Variants in TLK1 observed in about 807,000 individuals in gnomAD.
TLK1 encodes the protein serine/threonine-protein kinase tousled-like 1.
Under a neutral mutation model 105.3 loss-of-function variants are expected in TLK1, and 24 were observed. That is an observed-to-expected ratio of 0.23 (90% confidence interval 0.17 to 0.32). The LOEUF (loss-of-function observed/expected upper bound fraction) is 0.32, where lower values mean the gene tolerates loss of function less well. TLK1 is among the 10% of genes least tolerant of loss of function. The probability of loss-of-function intolerance (pLI) is 1.00; values close to 1 mark genes in which losing one functional copy is unlikely to be tolerated. For synonymous variants in TLK1, 321 were observed against 310.4 expected (o/e 1.03, Z -0.36); for missense variants, 558 against 910.5 (o/e 0.61, Z 4.98).
chr2:171,079,093 C>A (rs1206514705), intron 3 of TLK1, among the ~76,000 whole-genome samples: 1 of 152,190 alleles, frequency 6.6e-6, no homozygotes, highest in African/African-American at 2.4e-5. Context: ...TAAAGCTTTT[C>A]CGGAGATCTA....
At chr2:171,069,217 T>C (rs1688144486) in intron 3 of TLK1, among the ~76,000 whole-genome samples, 1 of 152,228 alleles carries the variant, frequency 6.6e-6, no homozygotes, top group African/African-American at 2.4e-5. Flanking sequence ...GGAAAGATTA[T>C]AATAGCACAG....
At chr2:171,049,130 T>C (rs1687106122) in intron 10 of TLK1, among the ~76,000 whole-genome samples, 1 of 152,016 alleles carries the variant, frequency 6.6e-6, no homozygotes, top group Non-Finnish European at 1.5e-5. Context: ...GCTACAAAGA[T>C]GAAGGAGGCA....
chr2:171,069,208 G>C (rs1375676845), intron 3 of TLK1, among the ~76,000 whole-genome samples: 2 of 152,120 alleles, frequency 1.3e-5, no homozygotes, highest in African/African-American at 4.8e-5. Context: ...TAGTTATATG[G>C]AAAGATTATA....
chr2:171,164,682 G>GA (rs1692575031), upstream of TLK1, among the ~76,000 whole-genome samples: 1 of 152,188 alleles, frequency 6.6e-6, no homozygotes, highest in Admixed American at 6.5e-5. Context: ...GAAGCATAAA[G>GA]AAGGCCTCTG....
chr2:171,055,021 T>C (rs1055161063), intron 7 of TLK1, 62 bp downstream of exon 7: 4 of 917,438 alleles, frequency 4.4e-6, no homozygotes, highest in Non-Finnish European at 6.3e-6. Context: ...ATCTTAGTTG[T>C]TAGTAAGTTA....
intron 1 of TLK1, among the ~76,000 whole-genome samples, chr2:171,225,284 A>G (rs1693878118): frequency 6.6e-6 from 1 of 152,200 alleles, no homozygotes; most frequent in Non-Finnish European, 1.5e-5. Flanking sequence ...TTACAATTCA[A>G]CAATGTAAAG....
intron 1 of TLK1, among the ~76,000 whole-genome samples, chr2:171,207,119 C>T (rs2105323313): frequency 6.6e-6 from 1 of 152,308 alleles, no homozygotes; most frequent in Middle Eastern, 3.4e-3. Flanking sequence ...AAACTTTATT[C>T]ATAATTGCCC....
chr2:171,015,673 CATGTCATTCATTCATACACACACACAT>C (rs1685148973), intron 12 of TLK1, among the ~76,000 whole-genome samples: 1 of 133,242 alleles, frequency 7.5e-6, no homozygotes, highest in Non-Finnish European at 1.6e-5. Context: ...TCATGTCATT[CATGTCATTCATTCATACACACACACAT>C]ATACACACAC....
At position 171,059,719 on chromosome 2, in the gene TLK1, T is replaced by G. The variant is rs56257149; in HGVS notation, c.406+1362A>C. 3.0e-3 allele frequency among the ~76,000 whole-genome samples: 462 copies of G among 152,278 alleles called. 2 individuals are homozygous for G. The highest frequency in any genetic ancestry group is 0.011 in the African/African-American group (444 of 41,560). ...TGTGGAAGACAATTTATCCACAGACTGCGGGGAGTAGGGGAGATGGTTTTG... is the reference window on the plus strand; with the variant it reads ...TGTGGAAGACAATTTATCCACAGACGGCGGGGAGTAGGGGAGATGGTTTTG... On this transcript the variant is annotated intron_variant, in intron 4 of 20. Transcript: ENST00000431350.
chr2:171,160,527 G>C lies in TLK1; in HGVS notation c.-99C>G, dbSNP rs1432862985. The stretch of plus-strand genomic sequence containing the variant: ...TCATGGCGGGGGCCGCGCTGAGGGC[G>C]AGCGAGAGAGCGAGGGCTGGGAGGG... On this transcript the variant is annotated 5_prime_UTR_variant, in exon 1 of 21. Coordinates refer to ENST00000431350, the MANE Select transcript of TLK1 (RefSeq NM_012290.5). This position sits in a 1 kb window ranked among gnomAD's most constrained non-coding sequence, Gnocchi z 4.4. The C allele has an allele frequency of 6.4e-7, 1 of 1,551,290 alleles. No homozygotes were observed. Among genetic ancestry groups the C allele is most frequent in the East Asian group, 2.6e-5 (1 of 39,134 alleles).
intron 12 of TLK1, among the ~76,000 whole-genome samples, chr2:171,025,908 T>A (rs955852682): frequency 6.6e-6 from 1 of 152,220 alleles, no homozygotes; most frequent in Non-Finnish European, 1.5e-5. Flanking sequence ...GTTCCCTGTA[T>A]GTACTACTGG....
intron 1 of TLK1, among the ~76,000 whole-genome samples, chr2:171,217,519 T>C (rs1375381771): frequency 6.6e-6 from 1 of 152,070 alleles, no homozygotes; most frequent in East Asian, 1.9e-4. Flanking sequence ...CGCTAATGAA[T>C]GGAGAAGGGT....
chr2:171,175,881 TG>T (rs1179196556), intron 1 of TLK1, among the ~76,000 whole-genome samples: 1 of 152,186 alleles, frequency 6.6e-6, no homozygotes, highest in Non-Finnish European at 1.5e-5. Flanking sequence ...AGGCCCCTTT[TG>T]TATCAGAATC....
chr2:171,057,784 G>A (rs1185854210), intron 5 of TLK1, among the ~76,000 whole-genome samples: 1 of 151,968 alleles, frequency 6.6e-6, no homozygotes, highest in Non-Finnish European at 1.5e-5. Context: ...TATGCCTAGT[G>A]TTCTATTATT....
At chr2:171,024,814 T>A (rs151020669) in intron 12 of TLK1, among the ~76,000 whole-genome samples, 1 of 152,174 alleles carries the variant, frequency 6.6e-6, no homozygotes, top group South Asian at 2.1e-4. Context: ...AATATGTAAT[T>A]CCGTTAAAAT....
chr2:171,006,033 C>A, intron 18 of TLK1, 114 bp downstream of exon 18: 1 of 1,111,826 alleles, frequency 9.0e-7, no homozygotes, highest in Non-Finnish European at 1.2e-6. Context: ...AATATCAGTA[C>A]CTTTACCACA....
chr2:170,994,072 TG>T, intron 20 of TLK1, 116 bp from the exon 21 acceptor site: 1 of 1,182,390 alleles, frequency 8.5e-7, no homozygotes, highest in Non-Finnish European at 1.1e-6. Flanking sequence ...CTCATTTTAT[TG>T]GAAGTTCAAA....
intron 1 of TLK1, among the ~76,000 whole-genome samples, chr2:171,123,383 A>T (rs1197076805): frequency 6.6e-6 from 1 of 150,484 alleles, no homozygotes; most frequent in Non-Finnish European, 1.5e-5. Flanking sequence ...TTTTTTTTTT[A>T]GTAGAAACAG....
chr2:171,050,025 A>C (rs1165798508), intron 9 of TLK1, 39 bp downstream of exon 9: 2 of 1,608,732 alleles, frequency 1.2e-6, no homozygotes, highest in Non-Finnish European at 1.7e-6. Context: ...AAAGGGGCTA[A>C]TGAAGGGAAA....
Sources: allele counts gnomAD v4.1 joint callset (sites outside exome capture counted in the v4.1 genomes callset), GRCh38; gene constraint gnomAD v4.1.1; non-coding constraint Gnocchi (gnomAD v3.1); transcripts MANE v1.5; gene names NCBI Gene and HGNC (gene_info 2026-07-23, HGNC 2026-07-21).